PDE4D: variants seen among roughly 807,000 people sequenced by gnomAD.
The protein encoded by PDE4D is 3',5'-cyclic-AMP phosphodiesterase 4D.
In PDE4D, 24 loss-of-function variants were observed where a neutral mutation model predicts 87.4. The ratio of observed to expected loss-of-function variants is 0.27; its 90% CI spans 0.20 to 0.39. The LOEUF (loss-of-function observed/expected upper bound fraction) is 0.39. PDE4D is among the 10% of genes least tolerant of loss of function. The pLI is 1.00. For synonymous variants in PDE4D, 384 were observed against 383.2 expected, an observed-to-expected ratio of 1.00 and a Z score of -0.02; for missense variants, 714 against 1,041.0, an observed-to-expected ratio of 0.69 and a Z score of 4.32.
intron 1 of PDE4D, among the ~76,000 whole-genome samples, chr5:60,199,790 G>A (rs565517345): frequency 1.3e-5 from 2 of 151,736 alleles, no homozygotes; most frequent in Non-Finnish European, 2.9e-5. Context: ...AGATGAAGAT[G>A]ATGTCACAAC....
intron 1 of PDE4D, among the ~76,000 whole-genome samples, chr5:60,262,977 C>G (rs923927532): frequency 1.3e-5 from 2 of 152,184 alleles, no homozygotes; most frequent in African/African-American, 4.8e-5. Flanking sequence ...GGAAAAAGAG[C>G]AGCAAAGGAG....
intron 1 of PDE4D, among the ~76,000 whole-genome samples, chr5:59,696,089 CT>C (rs1299120431): frequency 6.6e-6 from 1 of 152,008 alleles, no homozygotes; most frequent in Non-Finnish European, 1.5e-5. Flanking sequence ...AGTAAGTTAA[CT>C]TTTTAAAAAG....
chr5:59,562,077 T>A (rs1030273251), intron 1 of PDE4D, among the ~76,000 whole-genome samples: 1 of 152,246 alleles, frequency 6.6e-6, no homozygotes, highest in East Asian at 1.9e-4. Context: ...CTACTGCATA[T>A]GTCAATAAAT....
At chr5:59,271,439 C>A (rs557573724) in intron 1 of PDE4D, among the ~76,000 whole-genome samples, 1 of 152,248 alleles carries the variant, frequency 6.6e-6, no homozygotes, top group South Asian at 2.1e-4. Context: ...ATGAGAATAA[C>A]TGAGGATGGA....
At chr5:60,104,554 C>T (rs1378124412) in intron 2 of PDE4D, among the ~76,000 whole-genome samples, 2 of 152,334 alleles carry the variant, frequency 1.3e-5, no homozygotes, top group African/African-American at 4.8e-5. Flanking sequence ...GGGCAGAGTG[C>T]CTCCTCAAGT....
intron 1 of PDE4D, among the ~76,000 whole-genome samples, chr5:59,294,987 G>T (rs1041763155): frequency 1.4e-4 from 21 of 152,116 alleles, no homozygotes; most frequent in African/African-American, 4.6e-4. Flanking sequence ...ATTGGTGAAG[G>T]CTAATAGAAA....
intron 5 of PDE4D, chr5:59,166,161 G>A (rs1413604228): frequency 1.3e-5 from 2 of 152,108 alleles, no homozygotes; most frequent in African/African-American, 4.8e-5. Flanking sequence ...TTTTCTAAGG[G>A]GAGGTGATAA....
At chr5:60,520,165 C>T (rs1750972227) in intron 1 of PDE4D, among the ~76,000 whole-genome samples, 1 of 152,158 alleles carries the variant, frequency 6.6e-6, no homozygotes, top group Admixed American at 6.5e-5. Context: ...CATAGGTGCC[C>T]TGTTATGGGG....
At chr5:59,216,840 C>T in intron 1 of PDE4D, 1 of 173,758 alleles carries the variant, frequency 5.8e-6, no homozygotes, top group Admixed American at 5.8e-5. Context: ...CCTGGTACAT[C>T]AGAGCTTTAT....
At chr5:58,990,077 C>G (rs1747522766) in intron 9 of PDE4D, among the ~76,000 whole-genome samples, 158 bp from the exon 10 acceptor site, 1 of 152,002 alleles carries the variant, frequency 6.6e-6, no homozygotes. Flanking sequence ...ATGGGAACCT[C>G]TGAGAAGATC....
chr5:59,257,450 T>A (rs1761190223), intron 1 of PDE4D, among the ~76,000 whole-genome samples: 2 of 152,068 alleles, frequency 1.3e-5, no homozygotes, highest in Admixed American at 1.3e-4. Flanking sequence ...GTCTTTTGCA[T>A]CAACCATGTC....
chr5:60,104,165 C>A (rs111578846), intron 2 of PDE4D, among the ~76,000 whole-genome samples: 3 of 152,298 alleles, frequency 2.0e-5, no homozygotes, highest in East Asian at 1.9e-4. Flanking sequence ...CCAAATACTG[C>A]GCTTTTCCCA....
intron 11 of PDE4D, among the ~76,000 whole-genome samples, chr5:58,983,498 C>G (rs1383210407): frequency 6.6e-6 from 1 of 152,212 alleles, no homozygotes; most frequent in African/African-American, 2.4e-5. Context: ...CACATGGAAA[C>G]TTGGTGGCCC....
At chr5:59,473,754 C>A (rs1416911217) in intron 1 of PDE4D, among the ~76,000 whole-genome samples, 1 of 152,094 alleles carries the variant, frequency 6.6e-6, no homozygotes, top group Non-Finnish European at 1.5e-5. Context: ...CTCTTCATCA[C>A]CCTCAAGCAA....
At chr5:59,059,586 C>A (rs1762839508) in intron 5 of PDE4D, among the ~76,000 whole-genome samples, 1 of 152,154 alleles carries the variant, frequency 6.6e-6, no homozygotes, top group African/African-American at 2.4e-5. Context: ...TTTGTGCTAT[C>A]AGTTTTTCCT....
At chr5:59,456,923 G>A (rs1187647229) in intron 1 of PDE4D, among the ~76,000 whole-genome samples, 7 of 152,204 alleles carry the variant, frequency 4.6e-5, no homozygotes, top group Admixed American at 4.6e-4. Flanking sequence ...AAAGAGATGA[G>A]CAGTTACTTC....
At chr5:59,896,605 G>A (rs901326649), upstream of PDE4D, among the ~76,000 whole-genome samples, 3 of 152,120 alleles carry the variant, frequency 2.0e-5, no homozygotes, top group Non-Finnish European at 4.4e-5. Flanking sequence ...TCAAGGCATC[G>A]GCATTTTAAA....
chr5:59,559,785 T>A (rs1378231942), intron 1 of PDE4D, among the ~76,000 whole-genome samples: 1 of 152,222 alleles, frequency 6.6e-6, no homozygotes, highest in South Asian at 2.1e-4. Flanking sequence ...AAAAGAGTTC[T>A]TGTGTATTTG....
At chr5:59,302,418 T>A (rs979117656) in intron 1 of PDE4D, among the ~76,000 whole-genome samples, 46 of 152,184 alleles carry the variant, frequency 3.0e-4, no homozygotes, top group African/African-American at 9.2e-4. Flanking sequence ...ACAGGTGGTA[T>A]ATTTAGTTAT....
Sources: allele counts gnomAD v4.1 joint callset (sites outside exome capture counted in the v4.1 genomes callset), GRCh38; gene constraint gnomAD v4.1.1; transcripts MANE v1.5; gene names NCBI Gene and HGNC (gene_info 2026-07-23, HGNC 2026-07-21).